The following STAG1 variants were observed in gnomAD, a reference collection of about 807,000 sequenced individuals.
The protein encoded by STAG1 is cohesin subunit SA-1.
STAG1 carries 26 observed loss-of-function variants against 170.9 expected under a neutral mutation model. That is an observed-to-expected ratio of 0.15 (90% CI 0.11 to 0.21). The LOEUF (loss-of-function observed/expected upper bound fraction) is 0.21, where lower values mean the gene tolerates loss of function less well. Ranked by LOEUF, STAG1 falls within the 10% of genes least tolerant of loss-of-function variation. The probability of loss-of-function intolerance (pLI) is 1.00; values close to 1 mark genes in which losing one functional copy is unlikely to be tolerated. For missense variants in STAG1, 964 were observed against 1,509.5 expected, an observed-to-expected ratio of 0.64 and a Z score of 5.99; for synonymous variants, 514 against 497.7, an observed-to-expected ratio of 1.03 and a Z score of -0.44.
intron 1 of STAG1, among the ~76,000 whole-genome samples, chr3:136,632,061 C>T (rs917478738): frequency 6.6e-6 from 1 of 152,002 alleles, no homozygotes; most frequent in Non-Finnish European, 1.5e-5. Flanking sequence ...ATCAGTCTTC[C>T]TAATGGAAAC....
At chr3:136,717,816 G>C (rs1019886476) in intron 1 of STAG1, among the ~76,000 whole-genome samples, 3 of 152,156 alleles carry the variant, frequency 2.0e-5, no homozygotes, top group Admixed American at 2.0e-4. Context: ...AAAGCAATTG[G>C]ATTTCTAATG....
chr3:136,417,695 A>T, intron 21 of STAG1, 190 bp downstream of exon 21: 1 of 490,854 alleles, frequency 2.0e-6, no homozygotes, highest in Non-Finnish European at 3.6e-6. Flanking sequence ...AGTTTTTTCT[A>T]CTCTTAACAC....
chr3:136,619,823 T>C (rs1478951348), intron 3 of STAG1, among the ~76,000 whole-genome samples: 3 of 150,220 alleles, frequency 2.0e-5, no homozygotes, highest in Non-Finnish European at 4.4e-5. Context: ...CCCAGCACTT[T>C]GGGAGGCTGA....
At chr3:136,360,283 G>A (rs1052080539) in intron 26 of STAG1, among the ~76,000 whole-genome samples, 2 of 152,120 alleles carry the variant, frequency 1.3e-5, no homozygotes, top group African/African-American at 2.4e-5. Context: ...GAGTATGTAA[G>A]GTTTCGCCTG....
chr3:136,600,862 G>A (rs1425683743), intron 4 of STAG1, among the ~76,000 whole-genome samples: 1 of 104,502 alleles, frequency 9.6e-6, no homozygotes, highest in African/African-American at 3.9e-5. Context: ...GTTGTTGTTT[G>A]TTTGTTTGTT....
intron 16 of STAG1, among the ~76,000 whole-genome samples, chr3:136,431,665 T>A (rs1187672460): frequency 6.6e-6 from 1 of 152,240 alleles, no homozygotes; most frequent in Non-Finnish European, 1.5e-5. Context: ...TTTTACACCT[T>A]CATCTTTGGA....
chr3:136,489,694 T>A (rs1280874019), intron 9 of STAG1, among the ~76,000 whole-genome samples: 1 of 152,212 alleles, frequency 6.6e-6, no homozygotes, highest in Non-Finnish European at 1.5e-5. Context: ...GAGAATTTTT[T>A]GGTATGAAAT....
At chr3:136,529,060 C>A (rs1003415051) in intron 6 of STAG1, among the ~76,000 whole-genome samples, 1 of 151,968 alleles carries the variant, frequency 6.6e-6, no homozygotes, top group African/African-American at 2.4e-5. Context: ...AAGACTGGAT[C>A]AAGCAGAAAA....
At chr3:136,582,185 CTTTGT>C (rs1385638304) in intron 4 of STAG1, among the ~76,000 whole-genome samples, 1 of 109,726 alleles carries the variant, frequency 9.1e-6, no homozygotes. Context: ...TTTAATCCTG[CTTTGT>C]TTTTTGTGTG....
At chr3:136,743,309 A>C (rs1260928707) in intron 1 of STAG1, among the ~76,000 whole-genome samples, 3 of 151,984 alleles carry the variant, frequency 2.0e-5, no homozygotes, top group Non-Finnish European at 2.9e-5. Context: ...CGGAAGTTAC[A>C]GTGAGCTAAG....
At chr3:136,675,269 C>G (rs1249708579) in intron 1 of STAG1, among the ~76,000 whole-genome samples, 1 of 152,160 alleles carries the variant, frequency 6.6e-6, no homozygotes, top group African/African-American at 2.4e-5. Flanking sequence ...TTTGGAGTTC[C>G]TGGTACAGTC....
chr3:136,532,565 C>A (rs566892343), intron 6 of STAG1, among the ~76,000 whole-genome samples: 52 of 152,186 alleles, frequency 3.4e-4, no homozygotes, highest in Non-Finnish European at 6.2e-4. Context: ...CTCACTAATA[C>A]ACCATGATCA....
At chr3:136,476,296 T>C (rs1391070351) in intron 10 of STAG1, among the ~76,000 whole-genome samples, 3 of 152,110 alleles carry the variant, frequency 2.0e-5, no homozygotes, top group Non-Finnish European at 2.9e-5. Context: ...AATGGAAAAT[T>C]TGGCTCCCAG....
intron 29 of STAG1, among the ~76,000 whole-genome samples, chr3:136,345,975 A>C (rs2108264180): frequency 6.6e-6 from 1 of 152,350 alleles, no homozygotes; most frequent in Admixed American, 6.5e-5. Flanking sequence ...ATTTAATTCA[A>C]AACTTTTATT....
chr3:136,403,914 C>T (rs886087189), intron 21 of STAG1, among the ~76,000 whole-genome samples: 3 of 152,196 alleles, frequency 2.0e-5, no homozygotes, highest in Non-Finnish European at 4.4e-5. Context: ...AGGGACTCCA[C>T]TGCATTACCT....
intron 15 of STAG1, among the ~76,000 whole-genome samples, chr3:136,437,764 T>C (rs575530931): frequency 3.3e-5 from 5 of 152,318 alleles, no homozygotes; most frequent in African/African-American, 1.2e-4. Context: ...ATCCTTTTTA[T>C]AGTTAGGTAG....
At chr3:136,477,862 C>T (rs886217739) in intron 9 of STAG1, among the ~76,000 whole-genome samples, 2 of 152,136 alleles carry the variant, frequency 1.3e-5, no homozygotes, top group Non-Finnish European at 2.9e-5. Context: ...ATGATTTCGG[C>T]TGACTGCAAC....
intron 1 of STAG1, among the ~76,000 whole-genome samples, chr3:136,655,337 T>A (rs879065300): frequency 6.6e-6 from 1 of 152,110 alleles, no homozygotes. Flanking sequence ...GAATAGACAT[T>A]CTCCAAAGAA....
chr3:136,568,038 A>G (rs1937146157), intron 5 of STAG1, among the ~76,000 whole-genome samples: 1 of 151,964 alleles, frequency 6.6e-6, no homozygotes, highest in African/African-American at 2.4e-5. Context: ...TGCTCTGTAA[A>G]TATTTGATAA....
Sources: gnomAD v4.1 joint callset for allele counts (sites outside exome capture counted in the v4.1 genomes callset) on GRCh38, gnomAD v4.1.1 for gene constraint, MANE v1.5 for transcripts, NCBI Gene and HGNC (gene_info 2026-07-23, HGNC 2026-07-21) for gene names.